The following CEP89 variants were observed in gnomAD, a reference collection of about 807,000 sequenced individuals.
The protein encoded by CEP89 is centrosomal protein 89.
In CEP89, 95 loss-of-function variants were observed where a neutral mutation model predicts 97.6. The observed-to-expected ratio is 0.97, with a 90% CI of 0.82 to 1.15. CEP89 has a LOEUF of 1.15. Among genes scored for constraint, CEP89 ranks in the 50% most tolerant of loss-of-function variants. The pLI, the probability that CEP89 is intolerant of heterozygous loss-of-function variation, is 0.00. For synonymous variants in CEP89, 354 were observed against 349.1 expected (o/e 1.01, Z -0.16); for missense variants, 869 against 947.7 (o/e 0.92, Z 1.09).
chr19:32,931,502 T>C lies in CEP89; in HGVS notation c.956A>G (p.Lys319Arg), dbSNP rs1340627691. 6.3e-7 allele frequency: 1 copy of C among 1,591,728 alleles called. No homozygotes were observed. The highest frequency in any genetic ancestry group is 8.5e-7 in the Non-Finnish European group (1 of 1,174,898). ...QELVDENDGL[K>R]MTVHRLNVEL... ...TACATTCAAACGATGGACAGTCATT[T>C]TCAATCCATCATTTTCATCCACCAG... is the stretch of plus-strand genomic sequence containing the variant. Residue 319 changes from lysine to arginine, a missense_variant, in exon 9 of 19, where the codon AAA becomes AGA. Transcript: ENST00000305768.
intron 1 of CEP89, chr19:32,968,999 C>T (rs4805838): frequency 0.38 from 57,834 of 152,120 alleles, 11,395 homozygotes; most frequent in East Asian, 0.69. Flanking sequence ...ATGAGCTCAA[C>T]CATTCAGCTC....
At chr19:32,924,440 C>T (rs1970314794) in intron 11 of CEP89, among the ~76,000 whole-genome samples, 1 of 152,132 alleles carries the variant, frequency 6.6e-6, no homozygotes, top group Admixed American at 6.6e-5. Context: ...TTTCAGCTCC[C>T]AACAGTCTGT....
chr19:32,922,931 AG>A (rs1434144718), intron 12 of CEP89, among the ~76,000 whole-genome samples: 1 of 152,134 alleles, frequency 6.6e-6, no homozygotes, highest in African/African-American at 2.4e-5. Flanking sequence ...GTGCCATTAC[AG>A]TAGGACCCTA....
chr19:32,966,312 G>A (rs377398762), intron 2 of CEP89, 48 bp downstream of exon 2: 130 of 1,084,062 alleles, frequency 1.2e-4, no homozygotes, highest in Non-Finnish European at 1.6e-4. Context: ...CCAGTACTTG[G>A]AGGCTGAGCA....
intron 7 of CEP89, among the ~76,000 whole-genome samples, chr19:32,934,245 A>T (rs774642942): frequency 2.6e-4 from 39 of 152,134 alleles, no homozygotes; most frequent in South Asian, 1.7e-3. Context: ...TGGGGATGGA[A>T]GATGAGGAGA....
intron 16 of CEP89, among the ~76,000 whole-genome samples, chr19:32,888,794 T>C (rs114410769): frequency 0.04 from 6,105 of 152,100 alleles, 368 homozygotes; most frequent in African/African-American, 0.13. Context: ...TTTTGTTTTT[T>C]CTTTTTGTTT....
In CEP89 at chr19:32,878,863, G is replaced by C. The variant is rs1296605712; in HGVS notation, c.*299C>G. On this transcript the variant is annotated 3_prime_UTR_variant, in exon 19 of 19. Transcript: ENST00000305768. ...CACACCTGAGGTCCCAGCTACTCAGGAGGCTGAAGCAGAAGGATCTCAAAC... is the reference window on the plus strand; with the variant it reads ...CACACCTGAGGTCCCAGCTACTCAGCAGGCTGAAGCAGAAGGATCTCAAAC... The C allele has an allele frequency of 3.7e-6, 1 of 267,322 alleles. No homozygotes were observed. The highest frequency in any genetic ancestry group is 6.4e-5 in the East Asian group (1 of 15,516). The allele number at this position is 267,322 out of a possible 1,614,324, so 16.6% of individuals were successfully genotyped here.
chr19:32,891,269 C>T (rs1042319245), intron 16 of CEP89, among the ~76,000 whole-genome samples: 4 of 152,212 alleles, frequency 2.6e-5, no homozygotes, highest in African/African-American at 7.2e-5. Flanking sequence ...AAGCACACCA[C>T]CCAGGGCCTG....
At chr19:32,891,787 T>C (rs1969522203) in intron 16 of CEP89, among the ~76,000 whole-genome samples, 1 of 151,312 alleles carries the variant, frequency 6.6e-6, no homozygotes, top group Admixed American at 6.6e-5. Flanking sequence ...TTCTTTTGCT[T>C]TTTAAATACT....
At chr19:32,881,746 C>A in intron 18 of CEP89, 98 bp downstream of exon 18, 1 of 1,185,888 alleles carries the variant, frequency 8.4e-7, no homozygotes, top group South Asian at 1.6e-5. Flanking sequence ...CAAAATTAAA[C>A]AATGGAACAA....
intron 14 of CEP89, among the ~76,000 whole-genome samples, chr19:32,901,996 GTC>G (rs149379505): frequency 1.7e-4 from 24 of 141,726 alleles, no homozygotes; most frequent in South Asian, 1.7e-3. Context: ...CTGTCTCTCT[GTC>G]TCTCTCTCTC....
At chr19:32,925,242 AC>A (rs1970329718) in intron 11 of CEP89, among the ~76,000 whole-genome samples, 5 of 131,082 alleles carry the variant, frequency 3.8e-5, no homozygotes, top group Admixed American at 2.7e-4. Flanking sequence ...TGCAGGAGGC[AC>A]AGGAGGCATC....
At chr19:32,962,152 A>T (rs1359747861) in intron 2 of CEP89, among the ~76,000 whole-genome samples, 1 of 151,998 alleles carries the variant, frequency 6.6e-6, no homozygotes, top group Non-Finnish European at 1.5e-5. Flanking sequence ...CATGTGTCGA[A>T]GGAGGAAAGT....
intron 5 of CEP89, among the ~76,000 whole-genome samples, chr19:32,940,443 C>G (rs1022322889): frequency 6.6e-6 from 1 of 150,940 alleles, no homozygotes; most frequent in Non-Finnish European, 1.5e-5. Flanking sequence ...CTCCCCATCA[C>G]GCTCCACACA....
rs1036012115 is a variant in CEP89 at position 32,953,668 on chromosome 19, C to A, written c.439G>T (p.Glu147Ter). 6.2e-7 allele frequency: 1 copy of A among 1,614,074 alleles called. No individual in the cohort carries two copies. The highest frequency in any genetic ancestry group is 1.1e-5 in the South Asian group (1 of 91,074). Residue 147 changes from glutamate to a stop codon, truncating the protein, a stop_gained, in exon 4 of 19, where the codon GAG becomes TAG. Coordinates refer to ENST00000305768, the MANE Select transcript of CEP89 (RefSeq NM_032816.5). LOFTEE classifies it high-confidence loss of function. ...TCATCACTGTGGCCTCCTCTGTCCT[C>A]CCGGGCACTGACATCCCCCAATTCC... ...GKELGDVSAR[E>*]DRGGHSDDLY... is the part of the protein sequence containing the mutation.
intron 14 of CEP89, among the ~76,000 whole-genome samples, chr19:32,902,228 C>T (rs1728281672): frequency 6.6e-6 from 1 of 152,054 alleles, no homozygotes; most frequent in African/African-American, 2.4e-5. Context: ...TTTTGCTGAA[C>T]ACCAGCTTGG....
intron 14 of CEP89, among the ~76,000 whole-genome samples, chr19:32,908,022 A>G (rs962605546): frequency 6.6e-6 from 1 of 152,052 alleles, no homozygotes; most frequent in African/African-American, 2.4e-5. Context: ...TTTGTAGCCT[A>G]GGAGCAAACA....
intron 3 of CEP89, among the ~76,000 whole-genome samples, chr19:32,957,859 G>A (rs1267229366): frequency 1.3e-5 from 2 of 151,826 alleles, no homozygotes; most frequent in African/African-American, 2.4e-5. Context: ...AGCCAAGCAC[G>A]GTAGCAAGCA....
chr19:32,893,551 T>C (rs543249483), intron 16 of CEP89, among the ~76,000 whole-genome samples: 68 of 152,214 alleles, frequency 4.5e-4, no homozygotes, highest in Non-Finnish European at 8.7e-4. Context: ...TTACAAAACA[T>C]TTCATCCAGT....
Sources: gnomAD v4.1 joint callset for allele counts (sites outside exome capture counted in the v4.1 genomes callset) on GRCh38, gnomAD v4.1.1 for gene constraint, MANE v1.5 for transcripts, NCBI Gene and HGNC (gene_info 2026-07-23, HGNC 2026-07-21) for gene names.